Variants in MID1 observed in about 807,000 individuals in gnomAD.
MID1 encodes E3 ubiquitin-protein ligase Midline-1.
In MID1, 7 loss-of-function variants were observed where a neutral mutation model predicts 40.4. That is an observed-to-expected ratio of 0.17 (90% CI 0.10 to 0.33). The LOEUF is 0.33. Ranked by LOEUF, MID1 falls within the 10% of genes least tolerant of loss-of-function variation. The pLI is 1.00. For missense variants in MID1, 367 were observed against 558.5 expected (o/e 0.66, Z 3.46); for synonymous variants, 229 against 221.2 (o/e 1.04, Z -0.31).
At chrX:10,528,905 C>A (rs1284677446) in intron 2 of MID1, among the ~76,000 whole-genome samples, 1 of 111,576 alleles carries the variant, frequency 9.0e-6, no homozygotes, top group Non-Finnish European at 1.9e-5. Context: ...CATTTTGACT[C>A]GTAGATATTC....
At chrX:10,594,055 C>T (rs900111872) in intron 1 of MID1, among the ~76,000 whole-genome samples, 1 of 110,974 alleles carries the variant, frequency 9.0e-6, no homozygotes, top group Admixed American at 9.6e-5. Flanking sequence ...AGCCGTGGTA[C>T]TGGTGTTTGT....
At chrX:10,811,841 T>C (rs1426726968) in intron 1 of MID1, among the ~76,000 whole-genome samples, 4 of 112,055 alleles carry the variant, frequency 3.6e-5, no homozygotes, top group African/African-American at 9.7e-5. Flanking sequence ...ATTTAATACA[T>C]TTTTTCATAA....
chrX:10,617,225 C>A (rs1006682195), intron 1 of MID1, among the ~76,000 whole-genome samples: 30 of 112,050 alleles, frequency 2.7e-4, no homozygotes, highest in African/African-American at 9.1e-4. Context: ...CCTTTCTCTG[C>A]CTTCGTCTCA....
At chrX:10,570,093 T>A (rs1233845184) in intron 1 of MID1, among the ~76,000 whole-genome samples, 2 of 112,006 alleles carry the variant, frequency 1.8e-5, no homozygotes, top group Non-Finnish European at 3.8e-5. Flanking sequence ...CAGAGAGAAA[T>A]TCACCAGAAT....
At chrX:10,660,554 A>G (rs917714733) in intron 1 of MID1, among the ~76,000 whole-genome samples, 1 of 112,527 alleles carries the variant, frequency 8.9e-6, no homozygotes, top group Admixed American at 9.4e-5. Flanking sequence ...TCTGCAGGGG[A>G]AAAAGAATAC....
At chrX:10,717,861 G>A (rs1293644702) in intron 1 of MID1, among the ~76,000 whole-genome samples, 63 of 111,665 alleles carry the variant, frequency 5.6e-4, no homozygotes, top group South Asian at 1.1e-3. Context: ...AGACCACAGT[G>A]CAATCAAACT....
At chrX:10,455,945 A>C (rs1415703623) in intron 8 of MID1, among the ~76,000 whole-genome samples, 3 of 112,158 alleles carry the variant, frequency 2.7e-5, no homozygotes, top group Admixed American at 9.5e-5. Context: ...TTGACAATTC[A>C]ATATTGGTTT....
chrX:10,460,927 C>T (rs1325818070), intron 7 of MID1, among the ~76,000 whole-genome samples: 1 of 110,955 alleles, frequency 9.0e-6, no homozygotes, highest in Non-Finnish European at 1.9e-5. Flanking sequence ...AAGGTAGTCA[C>T]AGGCTCCCGA....
At chrX:10,458,523 T>C (rs1928821585) in intron 8 of MID1, among the ~76,000 whole-genome samples, 1 of 112,129 alleles carries the variant, frequency 8.9e-6, no homozygotes, top group Non-Finnish European at 1.9e-5. Flanking sequence ...ACATAAGATG[T>C]TAATATTTGG....
chrX:10,721,580 G>A (rs1440190766), intron 1 of MID1, among the ~76,000 whole-genome samples: 3 of 110,737 alleles, frequency 2.7e-5, no homozygotes, highest in Admixed American at 1.9e-4. Context: ...TGGTCATTCT[G>A]TGCCGAAAAC....
At chrX:10,722,062 C>A (rs1190380126) in intron 1 of MID1, among the ~76,000 whole-genome samples, 1 of 111,284 alleles carries the variant, frequency 9.0e-6, no homozygotes, top group African/African-American at 3.3e-5. Context: ...TTAGAAAAAG[C>A]ATTTTTATGT....
At chrX:10,622,654 A>G (rs1301021353), upstream of MID1, among the ~76,000 whole-genome samples, 1 of 111,558 alleles carries the variant, frequency 9.0e-6, no homozygotes, top group Non-Finnish European at 1.9e-5. Context: ...CCAGACACCA[A>G]ATCTGCTGGC....
intron 8 of MID1, among the ~76,000 whole-genome samples, chrX:10,459,070 G>GGGGATGTTTC (rs1167323976): frequency 9.0e-6 from 1 of 111,166 alleles, no homozygotes; most frequent in Non-Finnish European, 1.9e-5. Context: ...CCTGTGGATT[G>GGGGATGTTTC]GGGATGTTTC....
intron 4 of MID1, among the ~76,000 whole-genome samples, chrX:10,490,768 CT>C (rs1186702727): frequency 2.7e-5 from 3 of 111,935 alleles, no homozygotes; most frequent in Non-Finnish European, 3.8e-5. Context: ...GTTCCTGGAA[CT>C]TCTGTTAAAG....
intron 2 of MID1, among the ~76,000 whole-genome samples, chrX:10,551,792 TA>T (rs1312304405): frequency 1.8e-5 from 2 of 111,366 alleles, no homozygotes; most frequent in Non-Finnish European, 3.8e-5. Context: ...TTTACATTTT[TA>T]ACGTTTTAGA....
At chrX:10,687,962 C>T (rs889964537) in intron 1 of MID1, among the ~76,000 whole-genome samples, 1 of 111,310 alleles carries the variant, frequency 9.0e-6, no homozygotes, top group Non-Finnish European at 1.9e-5. Context: ...AAGTGATCCT[C>T]CTCCCGTCGC....
chrX:10,833,428 T>C (rs899022164), intron 1 of MID1: 1 of 112,111 alleles, frequency 8.9e-6, no homozygotes, highest in African/African-American at 3.2e-5. Flanking sequence ...CGCAAAGCAT[T>C]GTATTTGTTC....
chrX:10,547,120 C>T (rs1198127718), intron 2 of MID1, among the ~76,000 whole-genome samples: 1 of 111,709 alleles, frequency 9.0e-6, no homozygotes, highest in Non-Finnish European at 1.9e-5. Flanking sequence ...GCAAAAACCC[C>T]ATCTCTACAA....
At chrX:10,621,106 A>AT (rs890073329), upstream of MID1, among the ~76,000 whole-genome samples, 6 of 112,165 alleles carry the variant, frequency 5.3e-5, no homozygotes, top group African/African-American at 1.6e-4. Flanking sequence ...CGTGCACACA[A>AT]TTTTTTTGAA....
Sources: gnomAD v4.1 joint callset for allele counts (sites outside exome capture counted in the v4.1 genomes callset) on GRCh38, gnomAD v4.1.1 for gene constraint, MANE v1.5 for transcripts, NCBI Gene and HGNC (gene_info 2026-07-23, HGNC 2026-07-21) for gene names.